PBRM1: variants seen among roughly 807,000 people sequenced by gnomAD.
The protein encoded by PBRM1 is protein polybromo-1.
In PBRM1, 27 loss-of-function variants were observed where a neutral mutation model predicts 194.5. That is an observed-to-expected ratio of 0.14 (90% CI 0.10 to 0.19). The LOEUF (loss-of-function observed/expected upper bound fraction) is 0.19, where lower values mean the gene tolerates loss of function less well. PBRM1 is among the 10% of genes least tolerant of loss of function. PBRM1 has a pLI of 1.00. For missense variants in PBRM1, 1,466 were observed against 2,077.2 expected (o/e 0.71, Z 5.72); for synonymous variants, 655 against 693.2 (o/e 0.94, Z 0.87).
chr3:52,634,435 C>CAA (rs370025797), intron 11 of PBRM1, among the ~76,000 whole-genome samples, 167 bp downstream of exon 12: 29 of 46,050 alleles, frequency 6.3e-4, no homozygotes, highest in East Asian at 1.2e-3. Context: ...GACTCCGTCT[C>CAA]AAAAAAAAAA....
At position 52,584,233 on chromosome 3, in the gene PBRM1, TTTG is replaced by T. The variant is rs1241791383; in HGVS notation, c.3387+2189_3387+2191del. ...ATTCCTTGTTAAGGTTATTTCTTAA[TTTG>T]TTGTTAGTGTGAAATGGATATTTTC... is the stretch of plus-strand genomic sequence containing the variant. On this transcript the variant is annotated intron_variant, in intron 20 of 29. Coordinates refer to ENST00000296302, the Ensembl canonical transcript of PBRM1. Among the ~76,000 whole-genome samples the T allele has an allele frequency of 5.3e-5, 8 of 152,114 alleles. No individual in the cohort carries two copies. In the South Asian group the frequency reaches 1.0e-3, roughly 20 times the overall value.
chr3:52,614,595 G>C (rs2094849718), intron 15 of PBRM1, among the ~76,000 whole-genome samples: 1 of 144,474 alleles, frequency 6.9e-6, no homozygotes. Flanking sequence ...TTCCGAGGCA[G>C]AGTCTCACTC....
chr3:52,643,163 C>T, intron 9 of PBRM1, 85 bp downstream of exon 10: 2 of 960,548 alleles, frequency 2.1e-6, no homozygotes, highest in Non-Finnish European at 3.4e-6. Context: ...AAAAATATTC[C>T]TTCAAGATAG....
intron 21 of PBRM1, among the ~76,000 whole-genome samples, chr3:52,578,601 A>G (rs1003818987): frequency 1.1e-4 from 16 of 152,212 alleles, no homozygotes; most frequent in African/African-American, 3.9e-4. Flanking sequence ...CTGAGGCCCT[A>G]CTATGTTTCA....
At position 52,609,209 on chromosome 3, in the gene PBRM1, A is replaced by C; in HGVS notation, c.2567+104T>G. 1 of 894,720 alleles carries C rather than the reference A, an allele frequency of 1.1e-6. No homozygotes were observed. The highest frequency in any genetic ancestry group is 1.7e-6 in the Non-Finnish European group (1 of 581,440). 55.4% of individuals were successfully genotyped at this position (894,720 alleles called of 1,614,324 possible). On this transcript the variant is annotated intron_variant, in intron 16 of 29. Coordinates refer to ENST00000296302, the Ensembl canonical transcript of PBRM1. The surrounding 1 kb of genome is among the most constrained non-coding windows in gnomAD (Gnocchi z 4.1). ...TCAGAATAGCATGCTACCAACTACA[A>C]ATCATGTATGTAAGTGGAAATAGTA...
intron 17 of PBRM1, among the ~76,000 whole-genome samples, chr3:52,598,232 G>A (rs1197928619): frequency 6.6e-6 from 1 of 152,128 alleles, no homozygotes; most frequent in Non-Finnish European, 1.5e-5. Context: ...CCACTTTTAA[G>A]TGTACCATTC....
At chr3:52,546,895 T>C (rs1462378432), downstream of PBRM1, 2 of 233,098 alleles carry the variant, frequency 8.6e-6, no homozygotes, top group Non-Finnish European at 1.7e-5. Context: ...TTTTAGAAAG[T>C]ATTAAATTTC....
rs397989611 is a variant in PBRM1, at chr3:52,584,450, C to CTTTTTTTTTT, written c.3387+1965_3387+1974dup. Among the ~76,000 whole-genome samples the CTTTTTTTTTT allele has an allele frequency of 4.1e-3, 247 of 60,758 alleles. 42 individuals are homozygous for CTTTTTTTTTT. The highest frequency in any genetic ancestry group is 0.014 in the African/African-American group (180 of 12,932). 39.9% of individuals were successfully genotyped at this position (60,758 alleles called of 152,430 possible). On this transcript the variant is annotated intron_variant, in intron 20 of 29. Coordinates refer to ENST00000296302, the Ensembl canonical transcript of PBRM1. ...AATTATCTGCAGAAAAGTATTCTTG[C>CTTTTTTTTTT]TTTTTTTTTTTTTTTTTTTTTTTTT...
In PBRM1 at chr3:52,624,883, A is replaced by G. The variant is rs1413657636; in HGVS notation, c.1541+2390T>C. 1.7e-5 allele frequency: 26 copies of G among 1,512,838 alleles called. No homozygotes were observed. The highest frequency in any genetic ancestry group is 4.2e-5 in the African/African-American group (3 of 72,268). The allele number at this position is 1,512,838 out of a possible 1,614,324, so 93.7% of individuals were successfully genotyped here. On this transcript the variant is annotated intron_variant, in intron 13 of 29. Coordinates refer to ENST00000296302, the Ensembl canonical transcript of PBRM1. ...CTTTAAAAGAATGTTTATGCATAAA[A>G]AAGGACTGCACACCTGGATAGCCTC... is the stretch of plus-strand genomic sequence containing the variant.
chr3:52,590,929 C>G (rs1227224120), intron 17 of PBRM1, among the ~76,000 whole-genome samples: 1 of 152,166 alleles, frequency 6.6e-6, no homozygotes, highest in African/African-American at 2.4e-5. Flanking sequence ...TCTGTCATCT[C>G]TGATTTCTTT....
intron 6 of PBRM1, among the ~76,000 whole-genome samples, chr3:52,651,176 G>A (rs1372407972): frequency 1.3e-5 from 2 of 152,190 alleles, no homozygotes; most frequent in African/African-American, 4.8e-5. Context: ...ACAGTGCTAG[G>A]TACATAGCAA....
intron 16 of PBRM1, among the ~76,000 whole-genome samples, chr3:52,608,439 C>T (rs774235503): frequency 6.6e-6 from 1 of 152,178 alleles, no homozygotes; most frequent in African/African-American, 2.4e-5. Flanking sequence ...TGGTGCTTAA[C>T]ACAAGCAGCA....
Position 52,587,570 on chromosome 3 carries a change from CTTTTTTT to C in PBRM1, c.2966-67_2966-61del, listed in dbSNP as rs36056285. 25 of 731,782 alleles carry C rather than the reference CTTTTTTT, an allele frequency of 3.4e-5. No homozygotes were observed. The Middle Eastern group carries it at 1.0e-3, about 29-fold the overall frequency. The allele number at this position is 731,782 out of a possible 1,614,324, so 45.3% of individuals were successfully genotyped here. On this transcript the variant is annotated intron_variant, in intron 18 of 29. Transcript: ENST00000296302. ...AGAGAATCATTGTTAACAGAAATCA[CTTTTTTT>C]TTTTTTTTTTTTTAAAGAGACTGGG...
intron 2 of PBRM1, 132 bp from the exon 4 acceptor site, chr3:52,668,777 C>A: frequency 3.0e-5 from 8 of 268,840 alleles, no homozygotes; most frequent in Non-Finnish European, 3.1e-5. Flanking sequence ...GACTTTGAAG[C>A]TTACTTAAAA....
At chr3:52,655,227 A>C (rs2096587425) in intron 5 of PBRM1, among the ~76,000 whole-genome samples, 1 of 152,124 alleles carries the variant, frequency 6.6e-6, no homozygotes, top group African/African-American at 2.4e-5. Flanking sequence ...GTACATATTA[A>C]ACAACTCCCC....
chr3:52,581,084 T>C (rs1264209725), intron 20 of PBRM1, among the ~76,000 whole-genome samples: 3 of 152,254 alleles, frequency 2.0e-5, no homozygotes, highest in Middle Eastern at 3.2e-3. Context: ...AAGTTTTCTA[T>C]AGCATCTTCC....
chr3:52,664,412 G>GAAAAAAAAAAAAA (rs58727570), intron 3 of PBRM1, among the ~76,000 whole-genome samples: 3 of 101,148 alleles, frequency 3.0e-5, no homozygotes, highest in Admixed American at 1.1e-4. Flanking sequence ...TGAAAGAACT[G>GAAAAAAAAAAAAA]AAAAAAAAAA....
chr3:52,590,993 T>C (rs1457565510), intron 17 of PBRM1, among the ~76,000 whole-genome samples: 1 of 152,224 alleles, frequency 6.6e-6, no homozygotes, highest in East Asian at 1.9e-4. Context: ...GTTAGCTGTA[T>C]TTCCAGGTAT....
chr3:52,558,566 G>C (rs920283805), intron 25 of PBRM1, among the ~76,000 whole-genome samples, 153 bp from the exon 28 acceptor site: 1 of 152,160 alleles, frequency 6.6e-6, no homozygotes, highest in Non-Finnish European at 1.5e-5. Flanking sequence ...GGAGGAGTCG[G>C]GCCGATTTCA....
Sources: allele counts gnomAD v4.1 joint callset (sites outside exome capture counted in the v4.1 genomes callset), GRCh38; gene constraint gnomAD v4.1.1; non-coding constraint Gnocchi (gnomAD v3.1); transcripts MANE v1.5; gene names NCBI Gene and HGNC (gene_info 2026-07-23, HGNC 2026-07-21).